Variants in AMZ1 observed in about 807,000 individuals in gnomAD.
The protein encoded by AMZ1 is archaemetzincin-1.
Under a neutral mutation model 29.9 loss-of-function variants are expected in AMZ1, and 39 were observed. The observed-to-expected ratio is 1.30, with a 90% CI of 1.01 to 1.70. AMZ1 has a LOEUF of 1.70. AMZ1 is among the 40% of genes most tolerant of loss of function. AMZ1 has a pLI of 0.00. For missense variants in AMZ1, 1,041 were observed against 680.6 expected (o/e 1.53, Z -5.89); for synonymous variants, 458 against 304.0 (o/e 1.51, Z -5.27).
At chr7:2,699,529 C>T (rs1034626220) in intron 1 of AMZ1, among the ~76,000 whole-genome samples, 1 of 138,118 alleles carries the variant, frequency 7.2e-6, no homozygotes, top group Admixed American at 7.5e-5. Context: ...CTGCGTACCC[C>T]CGCCCCCCCC....
chr7:2,681,007 C>T (rs1297399699), intron 1 of AMZ1, among the ~76,000 whole-genome samples: 1 of 152,254 alleles, frequency 6.6e-6, no homozygotes, highest in Non-Finnish European at 1.5e-5. Flanking sequence ...GCCTCCAGGT[C>T]AGAAACCTTC....
Position 2,751,087 on chromosome 7 carries a change from C to T in AMZ1, n.551-13625C>T, listed in dbSNP as rs532455328. On this transcript the variant is annotated intron_variant and non_coding_transcript_variant, in intron 4 of 4. Coordinates refer to the AMZ1 transcript ENST00000489665. Reference sequence around the variant, plus strand: ...CAGCATTTCGGGGAGAAATCTGTTGCTTTACATGCTTATATTAGGGCCGGG... The same window carrying T: ...CAGCATTTCGGGGAGAAATCTGTTGTTTTACATGCTTATATTAGGGCCGGG... Among the ~76,000 whole-genome samples, 10 of 152,258 alleles carry T rather than the reference C, an allele frequency of 6.6e-5. No homozygotes were observed. The South Asian group carries it at 2.1e-3, about 32-fold the overall frequency.
At chr7:2,753,471 C>T (rs969590841) in intron 4 of AMZ1, among the ~76,000 whole-genome samples, 1 of 152,192 alleles carries the variant, frequency 6.6e-6, no homozygotes, top group Non-Finnish European at 1.5e-5. Context: ...TTTTTTCACT[C>T]AACATAATGT....
intron 4 of AMZ1, among the ~76,000 whole-genome samples, chr7:2,754,258 G>C (rs1791182873): frequency 6.6e-6 from 1 of 152,192 alleles, no homozygotes; most frequent in South Asian, 2.1e-4. Context: ...GTCTTCTCGT[G>C]CTTATGTGCC....
At chr7:2,686,903 C>T (rs1238744541), upstream of AMZ1, among the ~76,000 whole-genome samples, 5 of 151,426 alleles carry the variant, frequency 3.3e-5, no homozygotes, top group Non-Finnish European at 5.9e-5. Context: ...TTAATAGAGA[C>T]GGGGTTTGAC....
chr7:2,709,117 C>G lies in AMZ1; in HGVS notation c.644C>G (p.Pro215Arg). 6.2e-7 allele frequency: 1 copy of G among 1,600,692 alleles called. No individual in the cohort carries two copies. Among genetic ancestry groups the G allele is most frequent in the Admixed American group, 1.7e-5 (1 of 57,890 alleles). ...CSFARFSGEF[P>R]KSGPSAPDLA... is the part of the protein sequence containing the mutation. ...TTCGCCCGGTTCTCAGGGGAATTCC[C>G]GAAGTCGGGGCCCAGCGCCCCTGAT... The change falls in exon 5 of 7, where the codon CCG (proline) becomes CGG (arginine). Residue 215 changes from proline to arginine, a missense_variant. Pro to Arg is a moderately radical substitution (Grantham distance 103, BLOSUM62 -2). Transcript: ENST00000683327.
chr7:2,681,923 A>G (rs1165611967), intron 1 of AMZ1, among the ~76,000 whole-genome samples: 1 of 10,368 alleles, frequency 9.6e-5, no homozygotes, highest in Non-Finnish European at 1.7e-4. Flanking sequence ...CCTCCCTCCC[A>G]GTCCCCCAGC....
chr7:2,699,344 C>T (rs983159662), intron 1 of AMZ1, among the ~76,000 whole-genome samples: 10 of 152,194 alleles, frequency 6.6e-5, no homozygotes, highest in Non-Finnish European at 4.4e-5. Context: ...GCCAGCTCCA[C>T]ACCCCCCACC....
chr7:2,712,424 C>G lies in AMZ1; in HGVS notation c.1043C>G (p.Ala348Gly), dbSNP rs765105045. The change falls in exon 7 of 7, where the codon GCC becomes GGC. Residue 348 changes from alanine (A) to glycine (G), a missense_variant. Physicochemically the swap from Ala to Gly is moderately conservative, Grantham distance 60. Transcript: ENST00000683327. ...TGGGAGGACACCCCGCCTGCCAGCG[C>G]CGACTCGGGCATGTGCTGTGAGAGT... The part of the protein sequence containing the change: ...SVWEDTPPAS[A>G]DSGMCCESDS... 5.6e-6 allele frequency: 9 copies of G among 1,611,828 alleles called. No homozygotes were observed. Among genetic ancestry groups the G allele is most frequent in the African/African-American group, 1.3e-5 (1 of 74,932 alleles).
At chr7:2,684,084 A>C (rs559886840), upstream of AMZ1, among the ~76,000 whole-genome samples, 1 of 152,070 alleles carries the variant, frequency 6.6e-6, no homozygotes, top group Non-Finnish European at 1.5e-5. Context: ...AGGCTGAAGC[A>C]GGAGAATCGC....
rs1036411895 is a variant in AMZ1, at chr7:2,718,030, C to T, written c.*5152C>T. On this transcript the variant is annotated 3_prime_UTR_variant, in exon 7 of 7. Transcript: ENST00000683327. The stretch of plus-strand genomic sequence containing the variant: ...TCCACAATGGCCCTCAGAGGGTCCG[C>T]GGCAGCCAGGCCCGTCCAACCTCCT... Among the ~76,000 whole-genome samples the T allele has an allele frequency of 6.6e-6, 1 of 152,214 alleles. No individual in the cohort carries two copies. The highest frequency in any genetic ancestry group is 1.5e-5 in the Non-Finnish European group (1 of 68,034).
upstream of AMZ1, among the ~76,000 whole-genome samples, chr7:2,686,998 C>T (rs1437390194): frequency 6.6e-6 from 1 of 151,836 alleles, no homozygotes. Flanking sequence ...CAGGCATGAG[C>T]CACCACGCCC....
At chr7:2,702,521 C>G (rs1583162713) in intron 2 of AMZ1, 1 of 604,302 alleles carries the variant, frequency 1.7e-6, no homozygotes, top group East Asian at 2.9e-5. Context: ...ATGAATCTTT[C>G]CTCTGTGTCC....
intron 1 of AMZ1, among the ~76,000 whole-genome samples, chr7:2,692,349 G>A (rs959928396): frequency 1.3e-5 from 2 of 152,056 alleles, no homozygotes; most frequent in Non-Finnish European, 2.9e-5. Flanking sequence ...GACCATCCTG[G>A]CTAACACGTG....
rs1562394801 is a variant in AMZ1, at chr7:2,737,268, TG to T, written n.551-27443del. Among the ~76,000 whole-genome samples, 865 of 105,934 alleles carry T rather than the reference TG, an allele frequency of 8.2e-3. 17 individuals are homozygous for T. The highest frequency in any genetic ancestry group is 0.011 in the East Asian group (41 of 3,662). The allele number at this position is 105,934 out of a possible 152,430, so 69.5% of individuals were successfully genotyped here. On this transcript the variant is annotated intron_variant and non_coding_transcript_variant, in intron 4 of 4. Coordinates refer to the AMZ1 transcript ENST00000489665. ...CCATTCAGGAGCTATCTCACAGTTT[TG>T]TTTTGTTTTTTTTTTTTTTGTTTTT...
upstream of AMZ1, chr7:2,763,174 A>C (rs1342837149): frequency 3.5e-6 from 3 of 851,846 alleles, no homozygotes; most frequent in East Asian, 4.9e-5. Context: ...GGTTAGCAGG[A>C]CTTCACAAGA....
intron 6 of AMZ1, 56 bp downstream of exon 6, chr7:2,709,872 G>C (rs1788654144): frequency 6.3e-7 from 1 of 1,590,252 alleles, no homozygotes; most frequent in Admixed American, 1.8e-5. Flanking sequence ...GGAGGCCCGC[G>C]AGCGCCGCCT....
chr7:2,736,933 G>A (rs1790211751), intron 4 of AMZ1, among the ~76,000 whole-genome samples: 2 of 152,226 alleles, frequency 1.3e-5, no homozygotes, highest in Non-Finnish European at 2.9e-5. Context: ...CACAGGACCA[G>A]ACCCTCGAGA....
intron 4 of AMZ1, 102 bp from the exon 5 acceptor site, chr7:2,708,973 G>A: frequency 7.1e-7 from 1 of 1,406,852 alleles, no homozygotes; most frequent in Non-Finnish European, 9.5e-7. Context: ...TATGTCTTTG[G>A]GCCATGGCCA....
Sources: gnomAD v4.1 joint callset for allele counts (sites outside exome capture counted in the v4.1 genomes callset) on GRCh38, gnomAD v4.1.1 for gene constraint, MANE v1.5 for transcripts, NCBI Gene and HGNC (gene_info 2026-07-23, HGNC 2026-07-21) for gene names.